Variants in STAC observed in about 807,000 individuals in gnomAD.
STAC encodes SH3 and cysteine-rich domain-containing protein.
STAC carries 43 observed loss-of-function variants against 48.8 expected under a neutral mutation model. The ratio of observed to expected loss-of-function variants is 0.88; its 90% CI spans 0.69 to 1.14. The LOEUF (loss-of-function observed/expected upper bound fraction) is 1.14. Among genes scored for constraint, STAC ranks in the 50% most tolerant of loss-of-function variants. The probability of loss-of-function intolerance (pLI) is 0.00; values close to 1 mark genes in which losing one functional copy is unlikely to be tolerated. For synonymous variants in STAC, 193 were observed against 179.5 expected (o/e 1.07, Z -0.60); for missense variants, 497 against 504.0 (o/e 0.99, Z 0.13).
intron 1 of STAC, among the ~76,000 whole-genome samples, chr3:36,440,245 G>A (rs779580700): frequency 1.3e-5 from 2 of 152,208 alleles, no homozygotes; most frequent in Non-Finnish European, 2.9e-5. Flanking sequence ...CATGCAGGAG[G>A]GTGGGGAGAA....
chr3:36,387,198 ATTTC>A (rs1488317632), intron 1 of STAC, among the ~76,000 whole-genome samples: 59 of 152,190 alleles, frequency 3.9e-4, no homozygotes, highest in African/African-American at 1.3e-3. Context: ...CTAAACTAAG[ATTTC>A]TTTATCATCA....
chr3:36,460,482 G>GA (rs1696985256), intron 2 of STAC, among the ~76,000 whole-genome samples: 1 of 152,044 alleles, frequency 6.6e-6, no homozygotes, highest in Admixed American at 6.6e-5. Flanking sequence ...AAATCTAATT[G>GA]AACTTTCTGT....
chr3:36,398,721 A>G lies in STAC; in HGVS notation c.111+17967A>G, dbSNP rs66770166. On this transcript the variant is annotated intron_variant, in intron 1 of 10. Coordinates refer to ENST00000273183, the MANE Select transcript of STAC (RefSeq NM_003149.3). Reference sequence around the variant, plus strand: ...AAGAAAGAAAGAAAGAGAGAAAGAAAGAAAAGAGAGAAGGAAGGGAGGGAG... The same window carrying G: ...AAGAAAGAAAGAAAGAGAGAAAGAAGGAAAAGAGAGAAGGAAGGGAGGGAG... 5.7e-3 allele frequency among the ~76,000 whole-genome samples: 831 copies of G among 146,876 alleles called. 19 individuals are homozygous for G. The highest frequency in any genetic ancestry group is 8.2e-3 in the East Asian group (41 of 4,998).
chr3:36,381,311 G>C (rs1307573346), intron 1 of STAC, among the ~76,000 whole-genome samples: 1 of 152,192 alleles, frequency 6.6e-6, no homozygotes, highest in Non-Finnish European at 1.5e-5. Context: ...AATACTCTAA[G>C]AACCTATACT....
intron 8 of STAC, among the ~76,000 whole-genome samples, chr3:36,518,657 T>G (rs1698731648): frequency 6.6e-6 from 1 of 152,214 alleles, no homozygotes; most frequent in African/African-American, 2.4e-5. Flanking sequence ...TGGGCAAGTC[T>G]GAATGAAAGC....
At chr3:36,393,367 G>A (rs186659123) in intron 1 of STAC, among the ~76,000 whole-genome samples, 45 of 152,042 alleles carry the variant, frequency 3.0e-4, no homozygotes, top group Admixed American at 8.5e-4. Flanking sequence ...ACTCTGAACC[G>A]GTGCTTCTGG....
intron 2 of STAC, among the ~76,000 whole-genome samples, chr3:36,464,953 T>A (rs1697124792): frequency 6.6e-6 from 1 of 152,094 alleles, no homozygotes; most frequent in Non-Finnish European, 1.5e-5. Flanking sequence ...CTTTTTCGTA[T>A]CATGACTTTT....
chr3:36,529,448 T>C (rs1447219619), intron 10 of STAC, among the ~76,000 whole-genome samples: 1 of 152,192 alleles, frequency 6.6e-6, no homozygotes, highest in Admixed American at 6.5e-5. Flanking sequence ...CTTCATATCA[T>C]TGCAAAAGAC....
In STAC at chr3:36,493,233, A is replaced by C; in HGVS notation, c.766+4A>C. The C allele has an allele frequency of 6.2e-7, 1 of 1,612,916 alleles. No homozygotes were observed. Among genetic ancestry groups the C allele is most frequent in the Non-Finnish European group, 8.5e-7 (1 of 1,179,240 alleles). On this transcript the variant is annotated splice_donor_region_variant and intron_variant, in intron 6 of 10. Coordinates refer to ENST00000273183, the MANE Select transcript of STAC (RefSeq NM_003149.3). ...CTAAGGAAACGCAGCAACAGCGGTG[A>C]GTGAGGGAGTTGGCACAGCACAAAT...
chr3:36,522,844 G>T (rs1698838327), intron 8 of STAC, among the ~76,000 whole-genome samples: 1 of 152,142 alleles, frequency 6.6e-6, no homozygotes, highest in African/African-American at 2.4e-5. Flanking sequence ...GGCTGGGCTG[G>T]GCGGGGGATG....
At chr3:36,511,521 G>C (rs1575251642) in intron 8 of STAC, among the ~76,000 whole-genome samples, 1 of 152,152 alleles carries the variant, frequency 6.6e-6, no homozygotes, top group African/African-American at 2.4e-5. Flanking sequence ...CCAGTCAAAT[G>C]GTCCCCTGGA....
intron 10 of STAC, among the ~76,000 whole-genome samples, chr3:36,540,103 T>C (rs879822138): frequency 6.6e-6 from 1 of 151,448 alleles, no homozygotes; most frequent in Non-Finnish European, 1.5e-5. Context: ...GAGAGAGAGA[T>C]TTGAAGATGC....
At position 36,409,206 on chromosome 3, in the gene STAC, A is replaced by G. The variant is rs537259005; in HGVS notation, c.111+28452A>G. On this transcript the variant is annotated intron_variant, in intron 1 of 10. Transcript: ENST00000273183. ...TAGTCTTCCAGATTTAGCATTATCC[A>G]GTTTGAAAACACAGAGTAAGTGTGC... Among the ~76,000 whole-genome samples the G allele has an allele frequency of 1.9e-4, 29 of 152,318 alleles. 1 individual carries two copies. The highest frequency in any genetic ancestry group is 1.9e-3 in the Admixed American group (29 of 15,298).
chr3:36,508,869 C>T (rs2125715851), intron 8 of STAC, among the ~76,000 whole-genome samples: 1 of 152,204 alleles, frequency 6.6e-6, no homozygotes, highest in African/African-American at 2.4e-5. Flanking sequence ...ACTCTTTATC[C>T]AATTTGCCAG....
intron 1 of STAC, among the ~76,000 whole-genome samples, chr3:36,427,528 G>A (rs73061998): frequency 0.023 from 3,534 of 152,240 alleles, 60 homozygotes; most frequent in East Asian, 0.026. Flanking sequence ...AATTCTCTGG[G>A]AGATGCTGTG....
intron 6 of STAC, among the ~76,000 whole-genome samples, chr3:36,499,549 T>C (rs892583353): frequency 1.3e-5 from 2 of 151,762 alleles, no homozygotes; most frequent in African/African-American, 4.8e-5. Context: ...GGATGGAAAG[T>C]GGCAAAATAG....
At chr3:36,467,572 A>G (rs1341250273) in intron 2 of STAC, among the ~76,000 whole-genome samples, 1 of 151,928 alleles carries the variant, frequency 6.6e-6, no homozygotes, top group Non-Finnish European at 1.5e-5. Flanking sequence ...TTAATCTAAG[A>G]GGGTTGTATA....
chr3:36,503,516 C>A (rs2125712554), intron 6 of STAC, among the ~76,000 whole-genome samples: 1 of 152,214 alleles, frequency 6.6e-6, no homozygotes, highest in Non-Finnish European at 1.5e-5. Flanking sequence ...CTGCAACCTC[C>A]ACCTTGCACC....
At chr3:36,489,809 A>G (rs557899362) in intron 5 of STAC, among the ~76,000 whole-genome samples, 24 of 152,296 alleles carry the variant, frequency 1.6e-4, no homozygotes, top group Non-Finnish European at 3.1e-4. Flanking sequence ...TGAATGAATG[A>G]GCACCCTCCT....
Sources: gnomAD v4.1 joint callset for allele counts (sites outside exome capture counted in the v4.1 genomes callset) on GRCh38, gnomAD v4.1.1 for gene constraint, MANE v1.5 for transcripts, NCBI Gene and HGNC (gene_info 2026-07-23, HGNC 2026-07-21) for gene names.